The following HDAC7 variants were observed in gnomAD, a reference collection of about 807,000 sequenced individuals.
The protein encoded by HDAC7 is histone deacetylase 7A.
Under a neutral mutation model 115.5 loss-of-function variants are expected in HDAC7, and 26 were observed. The observed-to-expected ratio is 0.23, with a 90% CI of 0.16 to 0.31. The LOEUF (loss-of-function observed/expected upper bound fraction) is 0.31, where lower values mean the gene tolerates loss of function less well. HDAC7 is among the 10% of genes least tolerant of loss of function. The pLI, the probability that HDAC7 is intolerant of heterozygous loss-of-function variation, is 1.00. For missense variants in HDAC7, 1,068 were observed against 1,329.0 expected (o/e 0.80, Z 3.05); for synonymous variants, 564 against 550.9 (o/e 1.02, Z -0.33).
rs35753431 is a variant in HDAC7, at chr12:47,797,895, T to TGTGTGTGTGTGTGTGTGTGAGA, written c.461+212_461+213insTCTCACACACACACACACACAC. Among the ~76,000 whole-genome samples, 34 of 143,464 alleles carry TGTGTGTGTGTGTGTGTGTGAGA rather than the reference T, an allele frequency of 2.4e-4. No individual in the cohort carries two copies. Among genetic ancestry groups the TGTGTGTGTGTGTGTGTGTGAGA allele is most frequent in the African/African-American group, 8.8e-4 (32 of 36,510 alleles). 94.1% of individuals were successfully genotyped at this position (143,464 alleles called of 152,430 possible). On this transcript the variant is annotated intron_variant, in intron 5 of 25. Coordinates refer to ENST00000080059, the MANE Select transcript of HDAC7 (RefSeq NM_015401.5). The surrounding 1 kb of genome is among the most constrained non-coding windows in gnomAD (Gnocchi z 5.5). ...GTGTGTGTGTGTGTGTGTGTGTGTG[T>TGTGTGTGTGTGTGTGTGTGAGA]GAGAAGGGCTCAGGTGGGGTGGGGA...
In HDAC7 at chr12:47,793,241, A is replaced by T; in HGVS notation, c.1678+128T>A. 2 of 660,350 alleles carry T rather than the reference A, an allele frequency of 3.0e-6. No homozygotes were observed. The highest frequency in any genetic ancestry group is 5.0e-6 in the Non-Finnish European group (2 of 399,170). 40.9% of individuals were successfully genotyped at this position (660,350 alleles called of 1,614,324 possible). A position where few individuals can be genotyped will look rare whatever the true frequency, so the allele number is the denominator to read the frequency against. On this transcript the variant is annotated intron_variant, in intron 13 of 25. Transcript: ENST00000080059. This position sits in a 1 kb window ranked among gnomAD's most constrained non-coding sequence, Gnocchi z 4.5. ...CAGCTGTTCCATGTGCTCCATGGGT[A>T]CTACGTGGGCCTAACAAGGCTAAGC...
chr12:47,796,261 C>A lies in HDAC7; in HGVS notation c.741G>T (p.Gly247=). 6.3e-7 allele frequency: 1 copy of A among 1,598,218 alleles called. No homozygotes were observed. Among genetic ancestry groups the A allele is most frequent in the Non-Finnish European group, 8.5e-7 (1 of 1,175,720 alleles). Residue 247 remains glycine, a synonymous_variant, in exon 8 of 26, where the codon GGG becomes GGT. Coordinates refer to ENST00000080059, the MANE Select transcript of HDAC7 (RefSeq NM_015401.5). Reference sequence around the variant, plus strand: ...GCTCGCTGTCATTGGGGGAGCTGCACCCTGATGCGGGCGTGCTGCTACTAC... The same window carrying A: ...GCTCGCTGTCATTGGGGGAGCTGCAACCTGATGCGGGCGTGCTGCTACTAC... ...SPSSSSTPAS[G]CSSPNDSEHG... is the part of the protein sequence containing the mutation.
chr12:47,809,522 T>A (rs1944558490), intron 1 of HDAC7, among the ~76,000 whole-genome samples: 2 of 152,194 alleles, frequency 1.3e-5, no homozygotes, highest in African/African-American at 4.8e-5. Flanking sequence ...GCTATTATCC[T>A]AGGCATTTTT....
At chr12:47,806,448 C>T (rs926566712) in intron 1 of HDAC7, among the ~76,000 whole-genome samples, 2 of 152,164 alleles carry the variant, frequency 1.3e-5, no homozygotes, top group African/African-American at 4.8e-5. Context: ...GAAGTTCTGC[C>T]CTGGCCAAGG....
chr12:47,797,273 C>A lies in HDAC7; in HGVS notation c.577+111G>T, dbSNP rs1260555048. 6.5e-7 allele frequency: 1 copy of A among 1,549,362 alleles called. No homozygotes were observed. ...AACTAGAAAGAAGATCCTAGCCTAC[C>A]GATGATCTCCTGGCCCAGCCCAGCC... On this transcript the variant is annotated intron_variant, in intron 6 of 25. Coordinates refer to ENST00000080059, the MANE Select transcript of HDAC7 (RefSeq NM_015401.5). The surrounding 1 kb of genome is among the most constrained non-coding windows in gnomAD (Gnocchi z 5.5).
At chr12:47,804,331 A>C (rs1944299041) in intron 1 of HDAC7, among the ~76,000 whole-genome samples, 1 of 152,102 alleles carries the variant, frequency 6.6e-6, no homozygotes, top group Non-Finnish European at 1.5e-5. Flanking sequence ...GCGCAGAGCG[A>C]CAGAGATTAA....
Position 47,789,931 on chromosome 12 carries a change from CAG to C in HDAC7, c.1984-13_1984-12del, listed in dbSNP as rs749718799. On this transcript the variant is annotated splice_polypyrimidine_tract_variant and intron_variant, in intron 16 of 25. Transcript: ENST00000080059. ...GGTGTCAGTGTCCACCTGCGGGAGC[CAG>C]AGTCAGGGCCCGCATCATCCAAGGC... The C allele has an allele frequency of 6.3e-7, 1 of 1,587,008 alleles. No individual in the cohort carries two copies. The highest frequency in any genetic ancestry group is 8.6e-7 in the Non-Finnish European group (1 of 1,156,348).
At chr12:47,802,343 G>A in intron 1 of HDAC7, 69 bp from the exon 2 acceptor site, 2 of 1,550,366 alleles carry the variant, frequency 1.3e-6, no homozygotes, top group Non-Finnish European at 1.8e-6. Context: ...AAGGAAAGAA[G>A]GTCAAGCCAG....
chr12:47,819,044 C>G (rs559291843), intron 1 of HDAC7: 2 of 152,520 alleles, frequency 1.3e-5, no homozygotes, highest in Non-Finnish European at 2.9e-5. Flanking sequence ...GGGTGCACAT[C>G]CTGTCCCCCA....
chr12:47,820,083 G>A (rs1363440239), upstream of HDAC7: 1 of 151,436 alleles, frequency 6.6e-6, no homozygotes, highest in Non-Finnish European at 1.5e-5. This position sits in a 1 kb window ranked among gnomAD's most constrained non-coding sequence, Gnocchi z 4.3. Context: ...CGCACAGGCG[G>A]GCCGCAGACA....
intron 21 of HDAC7, 30 bp downstream of exon 21, chr12:47,787,682 C>G (rs752036974): frequency 2.0e-5 from 31 of 1,516,712 alleles, no homozygotes; most frequent in African/African-American, 5.5e-5. Flanking sequence ...AGAGGGTGGA[C>G]TTGCCCCTCT....
chr12:47,801,280 G>A (rs2137004097), intron 2 of HDAC7, among the ~76,000 whole-genome samples: 1 of 152,254 alleles, frequency 6.6e-6, no homozygotes, highest in African/African-American at 2.4e-5. Flanking sequence ...ATTATTCCTA[G>A]CACCTGGAAT....
At chr12:47,821,330 A>G (rs1945019395), upstream of HDAC7, among the ~76,000 whole-genome samples, 1 of 152,160 alleles carries the variant, frequency 6.6e-6, no homozygotes, top group Non-Finnish European at 1.5e-5. Flanking sequence ...CTACCGGCAT[A>G]TTCAGCGTGG....
At chr12:47,789,755 A>C in intron 17 of HDAC7, 58 bp downstream of exon 17, 1 of 1,440,110 alleles carries the variant, frequency 6.9e-7, no homozygotes. Context: ...TGGATTCCCC[A>C]CTACCCCACT....
intron 1 of HDAC7, among the ~76,000 whole-genome samples, chr12:47,809,333 C>T (rs1183514200): frequency 1.3e-5 from 2 of 152,142 alleles, no homozygotes; most frequent in African/African-American, 2.4e-5. Context: ...AGCTGCAGGC[C>T]GAGCGAGATG....
chr12:47,812,096 AG>A (rs1944692874), intron 1 of HDAC7, among the ~76,000 whole-genome samples: 1 of 152,242 alleles, frequency 6.6e-6, no homozygotes, highest in Admixed American at 6.5e-5. Context: ...CATCAGGGGC[AG>A]CCCCATCCCA....
At chr12:47,786,481 G>T in intron 22 of HDAC7, 104 bp downstream of exon 22, 1 of 781,280 alleles carries the variant, frequency 1.3e-6, no homozygotes. Context: ...AAAGCCCTGG[G>T]CTGGCCACTG....
chr12:47,793,561 C>A lies in HDAC7; in HGVS notation c.1486G>T (p.Ala496Ser). The A allele has an allele frequency of 2.6e-6, 4 of 1,545,016 alleles. No homozygotes were observed. Among genetic ancestry groups the A allele is most frequent in the Non-Finnish European group, 3.5e-6 (4 of 1,145,020 alleles). Residue 496 changes from alanine to serine, a missense_variant, in exon 13 of 26, where the codon GCT (alanine) becomes TCT (serine). This residue lies in a region of HDAC7 where 618 missense variants were observed against 701.5 expected (regional missense o/e 0.88). Coordinates refer to ENST00000080059, the MANE Select transcript of HDAC7 (RefSeq NM_015401.5). The surrounding 1 kb of genome is among the most constrained non-coding windows in gnomAD (Gnocchi z 4.5). Reference protein sequence around the residue: ...QVLLWEQQRLAGRLPRGSTGD... With the variant: ...QVLLWEQQRLSGRLPRGSTGD... ...GTGCTGCCCCGGGGGAGCCGCCCAG[C>A]CAGTCGCTGCTGTTCCCAGAGCAAC...
At chr12:47,786,744 G>A (rs1592629306) in intron 21 of HDAC7, 41 bp from the exon 22 acceptor site, 1 of 1,534,294 alleles carries the variant, frequency 6.5e-7, no homozygotes, top group African/African-American at 1.4e-5. Flanking sequence ...TACTGTGCAG[G>A]GTTGCCAGGG....
Sources: allele counts gnomAD v4.1 joint callset (sites outside exome capture counted in the v4.1 genomes callset), GRCh38; gene constraint gnomAD v4.1.1; regional missense constraint gnomAD v4.1.1; non-coding constraint Gnocchi (gnomAD v3.1); transcripts MANE v1.5; gene names NCBI Gene and HGNC (gene_info 2026-07-23, HGNC 2026-07-21).